Variants in NLGN1 observed in about 807,000 individuals in gnomAD.
NLGN1 encodes the protein neuroligin 1, also known as neuroligin-1.
In NLGN1, 12 loss-of-function variants were observed where a neutral mutation model predicts 65.5. The ratio of observed to expected loss-of-function variants is 0.18; its 90% CI spans 0.12 to 0.30. The LOEUF (loss-of-function observed/expected upper bound fraction) is 0.30. NLGN1 is among the 10% of genes least tolerant of loss of function. The pLI, the probability that NLGN1 is intolerant of heterozygous loss-of-function variation, is 1.00. For missense variants in NLGN1, 750 were observed against 1,007.1 expected (o/e 0.74, Z 3.46); for synonymous variants, 350 against 359.5 (o/e 0.97, Z 0.30).
At chr3:173,912,995 A>C (rs1739938080) in intron 4 of NLGN1, among the ~76,000 whole-genome samples, 1 of 152,142 alleles carries the variant, frequency 6.6e-6, no homozygotes, top group Non-Finnish European at 1.5e-5. Flanking sequence ...TCAATGGCTC[A>C]CACCACCAAC....
In NLGN1 at chr3:174,261,696, G is replaced by A. The variant is rs936077440; in HGVS notation, c.647-13619G>A. Among the ~76,000 whole-genome samples the A allele has an allele frequency of 4.0e-4, 56 of 139,252 alleles. 5 individuals carry two copies. Among genetic ancestry groups the A allele is most frequent in the African/African-American group, 1.5e-3 (55 of 37,232 alleles). 91.4% of individuals were successfully genotyped at this position (139,252 alleles called of 152,430 possible). A position where few individuals can be genotyped will look rare whatever the true frequency, so the allele number is the denominator to read the frequency against. ...CTTTATTTCCTTCTCCTGCCTAATT[G>A]CCCTGGCCAGAACTTCCAACACTAT... On this transcript the variant is annotated intron_variant, in intron 4 of 6. Coordinates refer to ENST00000457714, the Ensembl canonical transcript of NLGN1.
chr3:173,489,017 G>A (rs953073079), intron 2 of NLGN1, among the ~76,000 whole-genome samples: 6 of 149,686 alleles, frequency 4.0e-5, no homozygotes, highest in African/African-American at 1.5e-4. Flanking sequence ...CTGATCTTTA[G>A]ATTTTCTTCT....
At chr3:173,486,653 A>C (rs76588817) in intron 2 of NLGN1, among the ~76,000 whole-genome samples, 2,044 of 152,268 alleles carry the variant, frequency 0.013, 57 homozygotes, top group African/African-American at 0.047. Flanking sequence ...TATTTAGCTC[A>C]AGGAAATGGA....
intron 4 of NLGN1, among the ~76,000 whole-genome samples, chr3:173,966,498 A>G (rs1291062611): frequency 1.3e-5 from 2 of 152,192 alleles, no homozygotes; most frequent in South Asian, 2.1e-4. Context: ...TGTGCCACCT[A>G]TTTTTTAATT....
chr3:173,948,531 G>A (rs915580801), intron 4 of NLGN1, among the ~76,000 whole-genome samples: 3 of 152,196 alleles, frequency 2.0e-5, no homozygotes, highest in African/African-American at 4.8e-5. Context: ...AGAAGGGTGA[G>A]TAAATGGACA....
intron 2 of NLGN1, among the ~76,000 whole-genome samples, chr3:173,546,089 A>G (rs1739777751): frequency 6.6e-6 from 1 of 152,182 alleles, no homozygotes; most frequent in South Asian, 2.1e-4. Context: ...AACTTAAAGT[A>G]TATTTTTAAA....
chr3:173,900,486 A>AT (rs1035606241), intron 4 of NLGN1, among the ~76,000 whole-genome samples: 1 of 151,984 alleles, frequency 6.6e-6, no homozygotes, highest in Admixed American at 6.6e-5. Flanking sequence ...AAACTCATGG[A>AT]TTTTTTTCCA....
chr3:174,281,536 C>A, exon 7 of NLGN1: 1 of 410,998 alleles, frequency 2.4e-6, no homozygotes, highest in East Asian at 3.6e-5. Flanking sequence ...CTTTTTCATT[C>A]ACATTCAAGA....
intron 4 of NLGN1, among the ~76,000 whole-genome samples, chr3:174,222,577 T>C (rs1738861830): frequency 6.6e-6 from 1 of 152,192 alleles, no homozygotes; most frequent in South Asian, 2.1e-4. Flanking sequence ...ATTTTTAGAA[T>C]GAAAGATTCC....
rs1742568040 is a variant in NLGN1 at position 173,560,594 on chromosome 3, C to T, written c.-320-43685C>T. On this transcript the variant is annotated intron_variant, in intron 2 of 6. Transcript: ENST00000457714. ...GGTTAGCACCAGTTTTACTACAGGT[C>T]GTTTAGTTTTGGACTAGATTCTTGG... Among the ~76,000 whole-genome samples the T allele has an allele frequency of 2.6e-5, 4 of 151,780 alleles. No individual in the cohort carries two copies. In the South Asian group the frequency reaches 8.3e-4, roughly 32 times the overall value.
chr3:173,472,561 C>G (rs1206798722), intron 2 of NLGN1, among the ~76,000 whole-genome samples: 1 of 151,796 alleles, frequency 6.6e-6, no homozygotes, highest in Non-Finnish European at 1.5e-5. Context: ...CTCTCAGTAT[C>G]TAGTATTGTG....
At chr3:173,785,049 G>A (rs1293779474) in intron 3 of NLGN1, among the ~76,000 whole-genome samples, 1 of 152,082 alleles carries the variant, frequency 6.6e-6, no homozygotes, top group Non-Finnish European at 1.5e-5. Flanking sequence ...CACAAACATA[G>A]ACATACACAC....
intron 4 of NLGN1, among the ~76,000 whole-genome samples, chr3:174,066,306 G>GTT (rs977077689): frequency 3.4e-5 from 5 of 148,438 alleles, no homozygotes; most frequent in African/African-American, 9.9e-5. Context: ...TTATGGACAG[G>GTT]TTTTTTTTTT....
chr3:173,976,437 TACAG>T (rs1407668123), intron 4 of NLGN1, among the ~76,000 whole-genome samples: 1 of 152,020 alleles, frequency 6.6e-6, no homozygotes, highest in Non-Finnish European at 1.5e-5. Flanking sequence ...TTGGAGCTAT[TACAG>T]ACAATGTACT....
chr3:173,516,522 A>C (rs1365809842), intron 2 of NLGN1, among the ~76,000 whole-genome samples: 3 of 151,984 alleles, frequency 2.0e-5, no homozygotes, highest in Non-Finnish European at 2.9e-5. Context: ...TCACCTTCCA[A>C]CTTTTCCTTC....
At chr3:173,950,643 T>C (rs1346048359) in intron 4 of NLGN1, among the ~76,000 whole-genome samples, 1 of 151,896 alleles carries the variant, frequency 6.6e-6, no homozygotes, top group Non-Finnish European at 1.5e-5. Context: ...CGAAACCCTG[T>C]CTCTACTAAA....
chr3:174,104,153 T>A (rs6779330), intron 4 of NLGN1, among the ~76,000 whole-genome samples: 42,091 of 151,956 alleles, frequency 0.28, 7,568 homozygotes, highest in African/African-American at 0.52. Flanking sequence ...AGCCCTTGTT[T>A]TGTCCTTATT....
chr3:173,621,082 A>C (rs1483961380), intron 3 of NLGN1, among the ~76,000 whole-genome samples: 2 of 152,162 alleles, frequency 1.3e-5, no homozygotes, highest in African/African-American at 4.8e-5. Flanking sequence ...AAGTCTGTAC[A>C]AATTAGTGAC....
At chr3:173,882,529 T>A (rs2150934626) in intron 4 of NLGN1, among the ~76,000 whole-genome samples, 1 of 152,362 alleles carries the variant, frequency 6.6e-6, no homozygotes, top group East Asian at 1.9e-4. Flanking sequence ...CACCAGCATT[T>A]CCTGCTTCAC....
Sources: allele counts gnomAD v4.1 joint callset (sites outside exome capture counted in the v4.1 genomes callset), GRCh38; gene constraint gnomAD v4.1.1; transcripts MANE v1.5; gene names NCBI Gene and HGNC (gene_info 2026-07-23, HGNC 2026-07-21).